TAFA1: variants seen among roughly 807,000 people sequenced by gnomAD.
TAFA1 encodes chemokine-like protein TAFA-1.
Under a neutral mutation model 18.5 loss-of-function variants are expected in TAFA1, and 4 were observed. The ratio of observed to expected loss-of-function variants is 0.22; its 90% confidence interval spans 0.11 to 0.49. TAFA1 has a LOEUF of 0.49. Among genes scored for constraint, TAFA1 ranks in the 20% least tolerant of loss-of-function variants. TAFA1 has a pLI of 0.98. For missense variants in TAFA1, 147 were observed against 169.0 expected (o/e 0.87, Z 0.72); for synonymous variants, 56 against 55.2 (o/e 1.01, Z -0.06).
intron 2 of TAFA1, among the ~76,000 whole-genome samples, chr3:68,311,397 T>C (rs1282595623): frequency 2.0e-5 from 3 of 152,206 alleles, no homozygotes; most frequent in Admixed American, 6.5e-5. Context: ...CAAAGTCTTA[T>C]CTGAGACAAG....
At chr3:68,447,641 C>T (rs1384063580) in intron 3 of TAFA1, among the ~76,000 whole-genome samples, 1 of 152,228 alleles carries the variant, frequency 6.6e-6, no homozygotes, top group East Asian at 1.9e-4. Context: ...AAAAAATATA[C>T]ATTTGCACAG....
intron 3 of TAFA1, among the ~76,000 whole-genome samples, chr3:68,439,408 CATACATATATATAT>C (rs2071326697): frequency 3.5e-5 from 1 of 28,236 alleles, no homozygotes; most frequent in Admixed American, 4.0e-4. Context: ...AATATATATA[CATACATATATATAT>C]ATATATATAT....
chr3:68,009,144 T>C (rs1219686855), intron 2 of TAFA1, among the ~76,000 whole-genome samples: 1 of 152,220 alleles, frequency 6.6e-6, no homozygotes, highest in Non-Finnish European at 1.5e-5. Flanking sequence ...TGCTATTGTT[T>C]TGTTAACCAT....
At chr3:68,466,598 C>T (rs760525390) in intron 3 of TAFA1, among the ~76,000 whole-genome samples, 1 of 152,102 alleles carries the variant, frequency 6.6e-6, no homozygotes, top group Non-Finnish European at 1.5e-5. Context: ...ATCTTGAGCC[C>T]TCCCAGTTAT....
intron 2 of TAFA1, among the ~76,000 whole-genome samples, chr3:68,162,286 G>T (rs1376769003): frequency 2.0e-5 from 3 of 152,102 alleles, no homozygotes; most frequent in African/African-American, 7.2e-5. Context: ...CCACAGATGG[G>T]GTTGGGGGAT....
At chr3:68,533,647 T>C (rs1036520846) in intron 3 of TAFA1, among the ~76,000 whole-genome samples, 1 of 152,194 alleles carries the variant, frequency 6.6e-6, no homozygotes, top group Non-Finnish European at 1.5e-5. Flanking sequence ...GGAAGAAGTC[T>C]AATATGCATT....
intron 2 of TAFA1, among the ~76,000 whole-genome samples, chr3:68,157,230 T>A (rs2065876702): frequency 6.6e-6 from 1 of 152,234 alleles, no homozygotes; most frequent in Admixed American, 6.5e-5. Flanking sequence ...AACATGCTCT[T>A]GAGCATCCTG....
chr3:68,059,018 G>A (rs1251474734), intron 2 of TAFA1, among the ~76,000 whole-genome samples: 2 of 152,074 alleles, frequency 1.3e-5, no homozygotes, highest in Non-Finnish European at 2.9e-5. Flanking sequence ...TGAGTAATAA[G>A]TTATTTTTTC....
At chr3:68,169,550 T>C (rs1159546848) in intron 2 of TAFA1, among the ~76,000 whole-genome samples, 10 of 151,386 alleles carry the variant, frequency 6.6e-5, no homozygotes, top group Non-Finnish European at 1.0e-4. Flanking sequence ...TAACAAATGA[T>C]AATCATTGCT....
chr3:68,255,577 T>C (rs2067281626), intron 2 of TAFA1, among the ~76,000 whole-genome samples: 1 of 152,160 alleles, frequency 6.6e-6, no homozygotes, highest in Admixed American at 6.6e-5. Flanking sequence ...TGTCTCTATG[T>C]CCGTTCAGGT....
chr3:68,403,839 A>T (rs1351221506), intron 2 of TAFA1, among the ~76,000 whole-genome samples: 1 of 152,192 alleles, frequency 6.6e-6, no homozygotes. Context: ...GGCAATTAAA[A>T]GCTTGGCTTG....
chr3:68,510,464 G>A (rs898446073), intron 3 of TAFA1, among the ~76,000 whole-genome samples: 2 of 152,098 alleles, frequency 1.3e-5, no homozygotes, highest in African/African-American at 4.8e-5. Context: ...CTCCTGAAGA[G>A]CAGCCTGCAT....
chr3:68,419,242 G>T (rs1053083542), intron 3 of TAFA1, among the ~76,000 whole-genome samples: 6 of 152,142 alleles, frequency 3.9e-5, no homozygotes, highest in African/African-American at 1.4e-4. Context: ...CATTGTGGTG[G>T]TAGACCGCAA....
intron 2 of TAFA1, among the ~76,000 whole-genome samples, chr3:68,403,867 C>A (rs1468192400): frequency 6.6e-6 from 1 of 152,200 alleles, no homozygotes; most frequent in African/African-American, 2.4e-5. Context: ...TATGTCAAGT[C>A]TGTTAATACC....
chr3:68,031,624 G>A (rs986678611), intron 2 of TAFA1, among the ~76,000 whole-genome samples: 3 of 152,136 alleles, frequency 2.0e-5, no homozygotes, highest in Non-Finnish European at 4.4e-5. Context: ...TTCCTATGTG[G>A]CAGGCTTGCC....
chr3:68,385,162 T>C (rs963715495), intron 2 of TAFA1, among the ~76,000 whole-genome samples: 1 of 152,056 alleles, frequency 6.6e-6, no homozygotes, highest in African/African-American at 2.4e-5. Flanking sequence ...AGAGCCTACC[T>C]CACTGGGTTT....
chr3:68,381,892 A>G (rs1403183511), intron 2 of TAFA1, among the ~76,000 whole-genome samples: 1 of 152,118 alleles, frequency 6.6e-6, no homozygotes, highest in Non-Finnish European at 1.5e-5. Flanking sequence ...ATTCAGTATG[A>G]TATTGGCTGT....
chr3:68,073,051 G>T (rs1048330273), intron 2 of TAFA1, among the ~76,000 whole-genome samples: 1 of 152,192 alleles, frequency 6.6e-6, no homozygotes, highest in Non-Finnish European at 1.5e-5. Context: ...AATTCTGTGT[G>T]CAATGACATG....
intron 3 of TAFA1, among the ~76,000 whole-genome samples, chr3:68,437,652 A>G (rs909119380): frequency 1.3e-5 from 2 of 152,126 alleles, no homozygotes; most frequent in Non-Finnish European, 2.9e-5. Context: ...TAAGGAATTC[A>G]TTCATTAAGA....
Sources: allele counts gnomAD v4.1 joint callset (sites outside exome capture counted in the v4.1 genomes callset), GRCh38; gene constraint gnomAD v4.1.1; transcripts MANE v1.5; gene names NCBI Gene and HGNC (gene_info 2026-07-23, HGNC 2026-07-21).